The following DOCK3 variants were observed in gnomAD, a reference collection of about 807,000 sequenced individuals.
The protein encoded by DOCK3 is dedicator of cytokinesis 3, also known as dedicator of cytokinesis protein 3.
DOCK3 carries 60 observed loss-of-function variants against 265.6 expected under a neutral mutation model. The ratio of observed to expected loss-of-function variants is 0.23; its 90% CI spans 0.18 to 0.28. The LOEUF is 0.28. Among genes scored for constraint, DOCK3 ranks in the 10% least tolerant of loss-of-function variants. The pLI, the probability that DOCK3 is intolerant of heterozygous loss-of-function variation, is 1.00. For missense variants in DOCK3, 1,981 were observed against 2,594.3 expected, an observed-to-expected ratio of 0.76 and a Z score of 5.14; for synonymous variants, 881 against 938.0, an observed-to-expected ratio of 0.94 and a Z score of 1.11.
chr3:51,193,084 A>G (rs1457921587), intron 12 of DOCK3, among the ~76,000 whole-genome samples: 1 of 152,090 alleles, frequency 6.6e-6, no homozygotes, highest in Middle Eastern at 3.2e-3. Context: ...ATTTTCAGAT[A>G]TGCTCTTTCT....
At chr3:51,084,366 A>G (rs774539326) in intron 7 of DOCK3, among the ~76,000 whole-genome samples, 2 of 152,206 alleles carry the variant, frequency 1.3e-5, no homozygotes, top group Non-Finnish European at 2.9e-5. Context: ...GGGAATCTCC[A>G]CCAGACTAAT....
intron 2 of DOCK3, among the ~76,000 whole-genome samples, chr3:50,835,572 T>C (rs1559702610): frequency 6.6e-6 from 1 of 152,180 alleles, no homozygotes; most frequent in East Asian, 1.9e-4. Context: ...ATATCCTACA[T>C]AGAACACATA....
intron 1 of DOCK3, among the ~76,000 whole-genome samples, chr3:50,713,731 T>A (rs1241591939): frequency 6.6e-6 from 1 of 151,978 alleles, no homozygotes; most frequent in Admixed American, 6.6e-5. Context: ...CATTTGGATG[T>A]CTCCCAGGGA....
chr3:51,216,609 C>T (rs2089803249), intron 14 of DOCK3, among the ~76,000 whole-genome samples: 1 of 152,308 alleles, frequency 6.6e-6, no homozygotes, highest in South Asian at 2.1e-4. Flanking sequence ...GAGAAAAGAG[C>T]TTTTGCACAG....
chr3:51,098,629 A>G (rs905773478), intron 9 of DOCK3, among the ~76,000 whole-genome samples: 1 of 152,228 alleles, frequency 6.6e-6, no homozygotes, highest in Non-Finnish European at 1.5e-5. Context: ...TAATGCAGCT[A>G]GAGCTTATCT....
chr3:50,697,731 A>G (rs2035725467), intron 1 of DOCK3, among the ~76,000 whole-genome samples: 1 of 152,122 alleles, frequency 6.6e-6, no homozygotes, highest in Admixed American at 6.5e-5. Context: ...TTGTTTATTC[A>G]GTGTGACTCA....
intron 5 of DOCK3, among the ~76,000 whole-genome samples, chr3:51,014,513 C>A (rs1432804601): frequency 2.0e-5 from 3 of 151,690 alleles, no homozygotes; most frequent in African/African-American, 7.3e-5. Context: ...CTCTAGAATG[C>A]AGTCCAGGTT....
intron 5 of DOCK3, among the ~76,000 whole-genome samples, chr3:51,011,837 C>G (rs968220558): frequency 3.3e-5 from 5 of 152,332 alleles, no homozygotes; most frequent in African/African-American, 1.2e-4. Flanking sequence ...AGTTTTCCTT[C>G]TAACAGTCAG....
At chr3:51,370,832 T>G (rs930253557) in intron 49 of DOCK3, among the ~76,000 whole-genome samples, 4 of 152,242 alleles carry the variant, frequency 2.6e-5, no homozygotes, top group Non-Finnish European at 5.9e-5. Flanking sequence ...TGTCACTGGC[T>G]GGAATCATCT....
chr3:50,959,558 G>GTGTGTGTA (rs1197225474), intron 5 of DOCK3, among the ~76,000 whole-genome samples: 5 of 139,500 alleles, frequency 3.6e-5, no homozygotes, highest in African/African-American at 1.1e-4. Context: ...GTGTGTGTGT[G>GTGTGTGTA]TATATATATA....
At chr3:51,152,929 G>T (rs1204753687) in intron 10 of DOCK3, among the ~76,000 whole-genome samples, 1 of 152,234 alleles carries the variant, frequency 6.6e-6, no homozygotes. Context: ...ACTGGGAGGT[G>T]TCTCCCAGTT....
At chr3:51,253,896 G>A (rs1352662714) in intron 22 of DOCK3, among the ~76,000 whole-genome samples, 1 of 151,944 alleles carries the variant, frequency 6.6e-6, no homozygotes, top group African/African-American at 2.4e-5. Context: ...CTTGCCTTCT[G>A]CTAGCTTTTT....
At chr3:51,340,267 T>A (rs2085154301) in intron 37 of DOCK3, among the ~76,000 whole-genome samples, 1 of 152,102 alleles carries the variant, frequency 6.6e-6, no homozygotes, top group Admixed American at 6.5e-5. Flanking sequence ...GAAAAGAATA[T>A]AGGCAAGGAA....
chr3:51,271,122 A>G (rs2080470290), intron 24 of DOCK3, 115 bp downstream of exon 24: 2 of 1,213,240 alleles, frequency 1.6e-6, no homozygotes, highest in Non-Finnish European at 2.3e-6. Context: ...TATGCAAGAA[A>G]CCAGTAACCC....
chr3:50,991,470 A>C (rs2078100599), intron 5 of DOCK3, among the ~76,000 whole-genome samples: 1 of 152,226 alleles, frequency 6.6e-6, no homozygotes, highest in Non-Finnish European at 1.5e-5. Context: ...ACATTTCAAA[A>C]CAACAAAGAT....
In DOCK3 at chr3:50,789,664, T is replaced by C. The variant is rs530837260; in HGVS notation, c.121+10906T>C. 3.3e-5 allele frequency among the ~76,000 whole-genome samples: 5 copies of C among 152,340 alleles called. No individual in the cohort carries two copies. The South Asian group carries it at 1.0e-3, about 32-fold the overall frequency. ...TTTATAAATTTGGGAGCTCCAGTGT[T>C]AGGTGCATATATATCTAGGATTCTG... On this transcript the variant is annotated intron_variant, in intron 2 of 52. Transcript: ENST00000266037.
At chr3:50,790,611 A>G (rs189339427) in intron 2 of DOCK3, among the ~76,000 whole-genome samples, 5 of 152,046 alleles carry the variant, frequency 3.3e-5, no homozygotes, top group Admixed American at 3.3e-4. Flanking sequence ...CATGACTGAT[A>G]ATTGTTTTGT....
At chr3:51,255,696 A>G (rs553676566) in intron 22 of DOCK3, among the ~76,000 whole-genome samples, 45 of 152,304 alleles carry the variant, frequency 3.0e-4, no homozygotes, top group African/African-American at 1.1e-3. Context: ...TTCTCATGCC[A>G]TGGTTTTCAG....
At chr3:51,234,891 A>C (rs1362007506) in intron 19 of DOCK3, among the ~76,000 whole-genome samples, 1 of 152,220 alleles carries the variant, frequency 6.6e-6, no homozygotes, top group Non-Finnish European at 1.5e-5. Flanking sequence ...CATCAGGTGA[A>C]TCCTACACAG....
Sources: gnomAD v4.1 joint callset for allele counts (sites outside exome capture counted in the v4.1 genomes callset) on GRCh38, gnomAD v4.1.1 for gene constraint, MANE v1.5 for transcripts, NCBI Gene and HGNC (gene_info 2026-07-23, HGNC 2026-07-21) for gene names.